Variants in GPR157 observed in about 807,000 individuals in gnomAD.
GPR157 encodes G-protein coupled receptor 157.
A neutral mutation model predicts 23.5 loss-of-function variants in GPR157; 16 were observed. That is an observed-to-expected ratio of 0.68 (90% confidence interval 0.46 to 1.04). The LOEUF is 1.04. Ranked by LOEUF, GPR157 falls within the 50% of genes least tolerant of loss-of-function variation. The pLI is 0.00. For missense variants in GPR157, 440 were observed against 460.7 expected, an observed-to-expected ratio of 0.96 and a Z score of 0.41; for synonymous variants, 200 against 221.5, an observed-to-expected ratio of 0.90 and a Z score of 0.86.
chr1:9,109,054 G>T (rs1207811331), intron 2 of GPR157, among the ~76,000 whole-genome samples: 1 of 151,646 alleles, frequency 6.6e-6, no homozygotes, highest in African/African-American at 2.4e-5. Flanking sequence ...GGGATTACAG[G>T]CGTGAGCCAC....
chr1:9,116,571 T>A (rs1303375214), intron 1 of GPR157, among the ~76,000 whole-genome samples: 2 of 146,510 alleles, frequency 1.4e-5, no homozygotes, highest in African/African-American at 5.0e-5. Flanking sequence ...TGAAACCCCG[T>A]CTCTACTAAA....
intron 1 of GPR157, among the ~76,000 whole-genome samples, chr1:9,113,952 A>C (rs1191783088): frequency 8.3e-6 from 1 of 119,786 alleles, no homozygotes; most frequent in East Asian, 2.3e-4. Flanking sequence ...CAAAAAAAAA[A>C]CCAAACACAC....
Position 9,104,272 on chromosome 1 carries a change from A to G in GPR157, c.*147T>C. On this transcript the variant is annotated 3_prime_UTR_variant, in exon 4 of 4. Transcript: ENST00000377411. ...AGGAGGTAGAAGAAGCTGAGTTGGC[A>G]GCTGCTCTCCCAATGGAGCCGAGAG... The G allele has an allele frequency of 4.8e-6, 3 of 627,200 alleles. No homozygotes were observed. In the Admixed American group the frequency reaches 8.8e-5, roughly 18 times the overall value. The allele number at this position is 627,200 out of a possible 1,614,324, so 38.9% of individuals were successfully genotyped here.
intron 1 of GPR157, among the ~76,000 whole-genome samples, chr1:9,116,302 T>TATA (rs1638665330): frequency 7.7e-5 from 1 of 12,936 alleles, no homozygotes; most frequent in East Asian, 0.025. Flanking sequence ...AAATTATATA[T>TATA]ATTATATTAT....
At chr1:9,121,882 G>A (rs978127580) in intron 1 of GPR157, among the ~76,000 whole-genome samples, 2 of 152,168 alleles carry the variant, frequency 1.3e-5, no homozygotes, top group African/African-American at 4.8e-5. Flanking sequence ...CAGCTCAGCG[G>A]GGCCAGAAGA....
At chr1:9,112,865 A>C (rs140118810) in intron 1 of GPR157, among the ~76,000 whole-genome samples, 113 of 152,324 alleles carry the variant, frequency 7.4e-4, no homozygotes, top group African/African-American at 2.5e-3. Context: ...GAGCACACAA[A>C]GGCTATAGTG....
Position 9,128,904 on chromosome 1 carries a change from G to C in GPR157, c.124C>G (p.Leu42Val). ...AGCAGGCGCCGTGCCCGGCTGCGCA[G>C]GTCGGGCCACAGGGCGTGCGTGGCC... ...LVATHALWPD[L>V]RSRARRLLLF... The change falls in exon 1 of 4, where the codon CTG becomes GTG. Residue 42 changes from leucine (L) to valine (V), a missense_variant. Physicochemically the swap from Leu to Val is conservative, Grantham distance 32. Coordinates refer to ENST00000377411, the MANE Select transcript of GPR157 (RefSeq NM_024980.5). The surrounding 1 kb of genome is among the most constrained non-coding windows in gnomAD (Gnocchi z 6.3). 1.3e-6 allele frequency: 2 copies of C among 1,549,114 alleles called. No homozygotes were observed. The highest frequency in any genetic ancestry group is 1.7e-6 in the Non-Finnish European group (2 of 1,149,398).
rs142706864 is a variant in GPR157, at chr1:9,104,577, G to C, written c.850C>G (p.Arg284Gly). Residue 284 changes from arginine to glycine, a missense_variant, in exon 4 of 4, where the codon CGC becomes GGC. Physicochemically the swap from Arg to Gly is moderately radical, Grantham distance 125. Transcript: ENST00000377411. ...ANCIMFVLCT[R>G]AVRTRLFSLC... ...GAGAAGAGCCGAGTTCGGACGGCGC[G>C]GGTGCAGAGGACGAACATGATGCAG... is the stretch of plus-strand genomic sequence containing the variant. The C allele has an allele frequency of 1.6e-4, 251 of 1,613,544 alleles. No individual in the cohort carries two copies. The highest frequency in any genetic ancestry group is 2.1e-4 in the Non-Finnish European group (246 of 1,179,850).
intron 1 of GPR157, among the ~76,000 whole-genome samples, chr1:9,122,597 C>G (rs1638823486): frequency 6.6e-6 from 1 of 152,078 alleles, no homozygotes; most frequent in African/African-American, 2.4e-5. Flanking sequence ...AGGTAGAAAG[C>G]AATGAGAAAA....
At chr1:9,124,672 T>C (rs1346846077) in intron 1 of GPR157, among the ~76,000 whole-genome samples, 1 of 152,206 alleles carries the variant, frequency 6.6e-6, no homozygotes, top group African/African-American at 2.4e-5. Context: ...ACTGGTTGTC[T>C]AGCTTCACCT....
chr1:9,108,872 G>A (rs890264227), intron 2 of GPR157, among the ~76,000 whole-genome samples: 92 of 151,862 alleles, frequency 6.1e-4, no homozygotes, highest in African/African-American at 2.0e-3. Flanking sequence ...TGCAAGCTCC[G>A]CCTCCCGGGT....
rs975618251 is a variant in GPR157, at chr1:9,120,622, C to G, written c.383+8023G>C. On this transcript the variant is annotated intron_variant, in intron 1 of 3. Coordinates refer to ENST00000377411, the MANE Select transcript of GPR157 (RefSeq NM_024980.5). The surrounding 1 kb of genome is among the most constrained non-coding windows in gnomAD (Gnocchi z 4.1). ...AAGTTCAGGGAGTCAGCCCCTAGGCCAGGCTACCACGAGGTCACTCTGCAG... is the reference window on the plus strand; with the variant it reads ...AAGTTCAGGGAGTCAGCCCCTAGGCGAGGCTACCACGAGGTCACTCTGCAG... Among the ~76,000 whole-genome samples, 3 of 152,134 alleles carry G rather than the reference C, an allele frequency of 2.0e-5. No individual in the cohort carries two copies. Among genetic ancestry groups the G allele is most frequent in the African/African-American group, 7.2e-5 (3 of 41,418 alleles).
In GPR157 at chr1:9,105,559, C is replaced by T. The variant is rs1638281701; in HGVS notation, c.719G>A (p.Trp240Ter). ...IPLIFIGLRV[W>*]STVRFVLTLC... ...GGTCAGCACGAACCGCACGGTGCTC[C>T]AGACCCTGAGGCCGATGAAGATGAG... is the stretch of plus-strand genomic sequence containing the variant. The change falls in exon 3 of 4, where the codon TGG (tryptophan) becomes TAG (stop). Residue 240 changes from tryptophan to a stop codon, truncating the protein, a stop_gained. Coordinates refer to ENST00000377411, the MANE Select transcript of GPR157 (RefSeq NM_024980.5). LOFTEE classifies it high-confidence loss of function. This position sits in a 1 kb window ranked among gnomAD's most constrained non-coding sequence, Gnocchi z 4.8. 6.2e-7 allele frequency: 1 copy of T among 1,605,468 alleles called. No homozygotes were observed. Among genetic ancestry groups the T allele is most frequent in the Admixed American group, 1.7e-5 (1 of 58,242 alleles).
In GPR157 at chr1:9,128,520, G is replaced by T; in HGVS notation, c.383+125C>A. 1 of 899,350 alleles carries T rather than the reference G, an allele frequency of 1.1e-6. No homozygotes were observed. Among genetic ancestry groups the T allele is most frequent in the Non-Finnish European group, 1.7e-6 (1 of 574,134 alleles). 55.7% of individuals were successfully genotyped at this position (899,350 alleles called of 1,614,324 possible). A position where few individuals can be genotyped will look rare whatever the true frequency, so the allele number is the denominator to read the frequency against. On this transcript the variant is annotated intron_variant, in intron 1 of 3. Coordinates refer to ENST00000377411, the MANE Select transcript of GPR157 (RefSeq NM_024980.5). This position sits in a 1 kb window ranked among gnomAD's most constrained non-coding sequence, Gnocchi z 6.3. ...GCTGGCCCAGGACAGCCTCGGGGGC[G>T]CCAGCAGGCACTGCTTGCTGTGGGT... is the stretch of plus-strand genomic sequence containing the variant.
chr1:9,118,663 A>C lies in GPR157; in HGVS notation c.384-7174T>G, dbSNP rs543438509. Among the ~76,000 whole-genome samples the C allele has an allele frequency of 2.6e-5, 4 of 152,296 alleles. No homozygotes were observed. In the East Asian group the frequency reaches 7.7e-4, roughly 29 times the overall value. ...ACCTCAGAATGTGAGTGTATTTGAGAGATAGGGTCTTTCAAGAGGTGATTA... is the reference window on the plus strand; with the variant it reads ...ACCTCAGAATGTGAGTGTATTTGAGCGATAGGGTCTTTCAAGAGGTGATTA... On this transcript the variant is annotated intron_variant, in intron 1 of 3. Coordinates refer to ENST00000377411, the MANE Select transcript of GPR157 (RefSeq NM_024980.5). This position sits in a 1 kb window ranked among gnomAD's most constrained non-coding sequence, Gnocchi z 4.6.
intron 1 of GPR157, among the ~76,000 whole-genome samples, chr1:9,114,400 C>A (rs1443861504): frequency 6.6e-6 from 1 of 151,010 alleles, no homozygotes; most frequent in Non-Finnish European, 1.5e-5. Flanking sequence ...ATGTGCTGTT[C>A]CTCGTTACTT....
At chr1:9,123,174 A>AAAAAAATATATATAT (rs1553175764) in intron 1 of GPR157, among the ~76,000 whole-genome samples, 2 of 117,090 alleles carry the variant, frequency 1.7e-5, no homozygotes, top group African/African-American at 6.8e-5. Flanking sequence ...AAAAAAAAAA[A>AAAAAAATATATATAT]ATATATATAT....
chr1:9,122,289 AAGGGACTTCTTAAACAC>A (rs1303428817), intron 1 of GPR157, among the ~76,000 whole-genome samples: 1 of 152,160 alleles, frequency 6.6e-6, no homozygotes, highest in Non-Finnish European at 1.5e-5. Flanking sequence ...ACAGAGTAGA[AAGGGACTTCTTAAACAC>A]AGGGACTTCC....
intron 2 of GPR157, among the ~76,000 whole-genome samples, chr1:9,107,841 TTGC>T (rs1465611121): frequency 1.3e-5 from 2 of 152,088 alleles, no homozygotes; most frequent in East Asian, 3.9e-4. Context: ...GGCATGAGAA[TTGC>T]TTGAACCCGG....
Sources: allele counts gnomAD v4.1 joint callset (sites outside exome capture counted in the v4.1 genomes callset), GRCh38; gene constraint gnomAD v4.1.1; non-coding constraint Gnocchi (gnomAD v3.1); transcripts MANE v1.5; gene names NCBI Gene and HGNC (gene_info 2026-07-23, HGNC 2026-07-21).